Variants in RARB observed in about 807,000 individuals in gnomAD.
The protein encoded by RARB is HBV-activated protein.
A neutral mutation model predicts 51.9 loss-of-function variants in RARB; 17 were observed. The ratio of observed to expected loss-of-function variants is 0.33; its 90% CI spans 0.22 to 0.49. The LOEUF (loss-of-function observed/expected upper bound fraction) is 0.49. RARB is among the 20% of genes least tolerant of loss of function. RARB has a pLI of 0.99. For synonymous variants in RARB, 215 were observed against 195.4 expected (o/e 1.10, Z -0.84); for missense variants, 369 against 550.8 (o/e 0.67, Z 3.30).
At chr3:25,208,893 G>A (rs1028925456) in intron 5 of RARB, among the ~76,000 whole-genome samples, 1 of 152,126 alleles carries the variant, frequency 6.6e-6, no homozygotes. Context: ...TCATCAAAAG[G>A]TCTTTCCTCT....
chr3:25,471,610 T>TTC (rs1553619796), intron 2 of RARB, among the ~76,000 whole-genome samples: 4 of 151,336 alleles, frequency 2.6e-5, no homozygotes, highest in African/African-American at 9.7e-5. Flanking sequence ...TTTTTTTTTT[T>TTC]CCTTGAGTTG....
intron 2 of RARB, among the ~76,000 whole-genome samples, chr3:25,031,367 A>G (rs1194238022): frequency 6.6e-6 from 1 of 152,140 alleles, no homozygotes; most frequent in Non-Finnish European, 1.5e-5. Context: ...GTCCCAAACT[A>G]GTTTAGTTGC....
intron 5 of RARB, among the ~76,000 whole-genome samples, chr3:25,283,891 G>A (rs537469099): frequency 2.0e-4 from 30 of 152,268 alleles, no homozygotes; most frequent in African/African-American, 7.2e-4. Flanking sequence ...CCCACCTCCT[G>A]GCATTCACTC....
chr3:25,569,489 C>T (rs1265062819), intron 3 of RARB, among the ~76,000 whole-genome samples: 1 of 152,230 alleles, frequency 6.6e-6, no homozygotes, highest in African/African-American at 2.4e-5. Flanking sequence ...TCACAACAAG[C>T]CAAGACTCTG....
At chr3:25,524,138 T>C (rs1037371854) in intron 3 of RARB, among the ~76,000 whole-genome samples, 3 of 152,132 alleles carry the variant, frequency 2.0e-5, no homozygotes, top group African/African-American at 7.2e-5. Flanking sequence ...GCATTTGAAA[T>C]CAGAACTGCT....
chr3:24,955,988 G>A (rs966258008), intron 2 of RARB, among the ~76,000 whole-genome samples: 1 of 152,086 alleles, frequency 6.6e-6, no homozygotes, highest in Non-Finnish European at 1.5e-5. Context: ...TCCTAGGGAG[G>A]GAGTCTTGAA....
intron 2 of RARB, among the ~76,000 whole-genome samples, chr3:25,048,748 C>A (rs973894395): frequency 2.6e-4 from 35 of 137,124 alleles, no homozygotes; most frequent in Non-Finnish European, 5.2e-4. Context: ...AGAAATTAAG[C>A]CCACTTTTTT....
chr3:25,482,011 G>C (rs1696247391), intron 2 of RARB, among the ~76,000 whole-genome samples: 1 of 152,074 alleles, frequency 6.6e-6, no homozygotes, highest in African/African-American at 2.4e-5. Flanking sequence ...GCTAATAACA[G>C]GCAGAGGCCG....
At chr3:24,917,488 T>G (rs1408388676) in intron 2 of RARB, among the ~76,000 whole-genome samples, 2 of 152,342 alleles carry the variant, frequency 1.3e-5, no homozygotes, top group Non-Finnish European at 1.5e-5. Context: ...AAGATTTGAT[T>G]GAATAGTCAC....
At chr3:25,332,507 G>A (rs759650430) in intron 5 of RARB, among the ~76,000 whole-genome samples, 76 of 152,116 alleles carry the variant, frequency 5.0e-4, no homozygotes, top group Non-Finnish European at 8.7e-4. Flanking sequence ...AATAAACTAG[G>A]TATTGATGGG....
chr3:25,533,238 A>G (rs1699002233), intron 3 of RARB, among the ~76,000 whole-genome samples: 1 of 152,214 alleles, frequency 6.6e-6, no homozygotes, highest in African/African-American at 2.4e-5. Flanking sequence ...TATACTTTAT[A>G]CCACTATTCA....
intron 2 of RARB, among the ~76,000 whole-genome samples, chr3:24,960,443 C>G (rs535733426): frequency 1.1e-4 from 17 of 152,260 alleles, no homozygotes; most frequent in African/African-American, 3.6e-4. Flanking sequence ...GAGCTCCATT[C>G]TTTTCAATTG....
chr3:24,985,764 A>T (rs181208890), intron 2 of RARB, among the ~76,000 whole-genome samples: 10 of 152,242 alleles, frequency 6.6e-5, no homozygotes, highest in Non-Finnish European at 1.2e-4. Context: ...TGTACTTTGC[A>T]CAGTAGCTAC....
intron 4 of RARB, among the ~76,000 whole-genome samples, chr3:25,137,358 G>A (rs1386854658): frequency 6.6e-6 from 1 of 152,024 alleles, no homozygotes; most frequent in Non-Finnish European, 1.5e-5. Flanking sequence ...CATCAGTAAA[G>A]GATGTGATTT....
chr3:25,580,569 C>T lies in RARB; in HGVS notation c.633C>T (p.Val211=). The T allele has an allele frequency of 6.2e-7, 1 of 1,600,184 alleles. No homozygotes were observed. Among genetic ancestry groups the T allele is most frequent in the African/African-American group, 1.3e-5 (1 of 74,874 alleles). Residue 211 remains valine (V), a synonymous_variant, in exon 5 of 8, where the codon GTC becomes GTT. Coordinates refer to ENST00000330688, the MANE Select transcript of RARB (RefSeq NM_000965.5). ...AGAATTCCAGTGCTGACCATCGAGT[C>T]CGACTGGACCTGGGCCTCTGGGACA... ...YTTNSSADHR[V]RLDLGLWDKF...
chr3:25,301,063 G>A (rs1429090115), intron 5 of RARB, among the ~76,000 whole-genome samples: 1 of 152,202 alleles, frequency 6.6e-6, no homozygotes, highest in Non-Finnish European at 1.5e-5. Flanking sequence ...AGTTTGTTGG[G>A]ATGTAACCTC....
intron 2 of RARB, among the ~76,000 whole-genome samples, chr3:24,887,024 C>T (rs150739271): frequency 3.9e-5 from 6 of 152,188 alleles, no homozygotes; most frequent in South Asian, 2.1e-4. Flanking sequence ...CATAGACTTA[C>T]ATTTCTCATT....
Position 25,445,361 on chromosome 3 carries a change from C to G in RARB, c.158-15832C>G, listed in dbSNP as rs529096525. On this transcript the variant is annotated intron_variant, in intron 1 of 7. Coordinates refer to ENST00000330688, the MANE Select transcript of RARB (RefSeq NM_000965.5). ...TATGTCAGTAGACAGTTATTTCATACTTCTTCAGAATATCAAAGAGCAGTC... is the reference window on the plus strand; with the variant it reads ...TATGTCAGTAGACAGTTATTTCATAGTTCTTCAGAATATCAAAGAGCAGTC... Among the ~76,000 whole-genome samples, 175 of 152,276 alleles carry G rather than the reference C, an allele frequency of 1.1e-3. 1 individual carries two copies. The highest frequency in any genetic ancestry group is 0.01 in the Middle Eastern group (3 of 294).
chr3:25,543,851 T>C (rs1284849490), intron 3 of RARB, among the ~76,000 whole-genome samples: 2 of 152,236 alleles, frequency 1.3e-5, no homozygotes. Flanking sequence ...ACCAAGCCTG[T>C]GACAGACGCA....
Sources: gnomAD v4.1 joint callset for allele counts (sites outside exome capture counted in the v4.1 genomes callset) on GRCh38, gnomAD v4.1.1 for gene constraint, MANE v1.5 for transcripts, NCBI Gene and HGNC (gene_info 2026-07-23, HGNC 2026-07-21) for gene names.